The following TCERG1L variants were observed in gnomAD, a reference collection of about 807,000 sequenced individuals.
TCERG1L encodes the protein transcription elongation regulator 1 like.
TCERG1L carries 37 observed loss-of-function variants against 56.3 expected under a neutral mutation model. The observed-to-expected ratio is 0.66, with a 90% CI of 0.51 to 0.87. TCERG1L has a LOEUF of 0.87. TCERG1L is among the 40% of genes least tolerant of loss of function. TCERG1L has a pLI of 0.00. For missense variants in TCERG1L, 799 were observed against 774.2 expected, an observed-to-expected ratio of 1.03 and a Z score of -0.38; for synonymous variants, 324 against 326.3, an observed-to-expected ratio of 0.99 and a Z score of 0.08.
At chr10:131,165,796 C>T (rs1005010369) in intron 5 of TCERG1L, among the ~76,000 whole-genome samples, 3 of 152,128 alleles carry the variant, frequency 2.0e-5, no homozygotes, top group Admixed American at 1.3e-4. Flanking sequence ...GTCTTCTCCA[C>T]GAGATGCATG....
At chr10:131,133,255 A>G (rs1315689198) in intron 8 of TCERG1L, among the ~76,000 whole-genome samples, 2 of 152,186 alleles carry the variant, frequency 1.3e-5, no homozygotes, top group African/African-American at 4.8e-5. Context: ...AAAGGACTGA[A>G]AATGTGAGAA....
chr10:131,289,608 T>C (rs1846588805), intron 3 of TCERG1L, among the ~76,000 whole-genome samples: 1 of 54,612 alleles, frequency 1.8e-5, no homozygotes, highest in Non-Finnish European at 4.8e-5. Context: ...AGTGTATGTG[T>C]GCACCGCTGT....
chr10:131,278,161 C>T (rs1011483240), intron 3 of TCERG1L, among the ~76,000 whole-genome samples: 1 of 151,270 alleles, frequency 6.6e-6, no homozygotes, highest in African/African-American at 2.4e-5. Flanking sequence ...CTTCACCTGA[C>T]TCTGAAACCC....
intron 3 of TCERG1L, among the ~76,000 whole-genome samples, chr10:131,281,428 G>A (rs1311562995): frequency 1.3e-5 from 2 of 152,118 alleles, no homozygotes; most frequent in Non-Finnish European, 2.9e-5. Context: ...ATCCATTGCA[G>A]TAAAGACAAT....
chr10:131,143,294 G>A (rs1845757523), intron 7 of TCERG1L, among the ~76,000 whole-genome samples: 1 of 152,170 alleles, frequency 6.6e-6, no homozygotes, highest in African/African-American at 2.4e-5. Flanking sequence ...CTCCAAGGCA[G>A]TGAGAAGGCC....
In TCERG1L at chr10:131,142,809, G is replaced by GC. The variant is rs565383053; in HGVS notation, c.1189+3696dup. Among the ~76,000 whole-genome samples the GC allele has an allele frequency of 2.4e-3, 371 of 152,318 alleles. 2 individuals are homozygous for GC. Among genetic ancestry groups the GC allele is most frequent in the African/African-American group, 8.4e-3 (348 of 41,570 alleles). ...GATTCATGCCCCCCACCATTCCCAAGCAATGTCCACATCTGAATCCTGGAA... is the reference window on the plus strand; with the variant it reads ...GATTCATGCCCCCCACCATTCCCAAGCCAATGTCCACATCTGAATCCTGGAA... On this transcript the variant is annotated intron_variant, in intron 7 of 11. Coordinates refer to ENST00000368642, the MANE Select transcript of TCERG1L (RefSeq NM_174937.4).
chr10:131,116,606 C>T (rs1041788061), intron 9 of TCERG1L, among the ~76,000 whole-genome samples, 193 bp downstream of exon 9: 3 of 152,206 alleles, frequency 2.0e-5, no homozygotes, highest in Non-Finnish European at 4.4e-5. Context: ...GGAGGCATCC[C>T]TCAGGCCCTG....
At position 131,163,475 on chromosome 10, in the gene TCERG1L, G is replaced by A. The variant is rs146625984; in HGVS notation, c.946-265C>T. Among the ~76,000 whole-genome samples, 238 of 152,326 alleles carry A rather than the reference G, an allele frequency of 1.6e-3. 4 individuals carry two copies. The East Asian group carries it at 0.026, about 17-fold the overall frequency. On this transcript the variant is annotated intron_variant, in intron 5 of 11. Transcript: ENST00000368642. ...TAAGCTGCCTGCTTTTCCAGAAGCA[G>A]AGACGGTCAGAGGCAGCCAAGAGAG...
intron 7 of TCERG1L, among the ~76,000 whole-genome samples, chr10:131,136,322 C>T (rs898359109): frequency 1.3e-5 from 2 of 152,374 alleles, no homozygotes; most frequent in Admixed American, 1.3e-4. Flanking sequence ...GTGCCAAGCC[C>T]AGCACCTCCA....
At chr10:131,194,387 T>TATTC (rs1340289426) in intron 4 of TCERG1L, among the ~76,000 whole-genome samples, 1 of 152,220 alleles carries the variant, frequency 6.6e-6, no homozygotes, top group Non-Finnish European at 1.5e-5. Flanking sequence ...GGAAGCTGCC[T>TATTC]ATTCATGCCT....
Position 131,311,604 on chromosome 10 carries a change from C to T in TCERG1L, c.32G>A (p.Arg11Gln), listed in dbSNP as rs1846902140. The T allele has an allele frequency of 1.7e-6, 2 of 1,144,556 alleles. No homozygotes were observed. The highest frequency in any genetic ancestry group is 8.4e-5 in the South Asian group (2 of 23,916). The allele number at this position is 1,144,556 out of a possible 1,614,324, so 70.9% of individuals were successfully genotyped here. The change falls in exon 1 of 12, where the codon CGG becomes CAG. Residue 11 changes from arginine (R) to glutamine (Q), a missense_variant. Coordinates refer to ENST00000368642, the MANE Select transcript of TCERG1L (RefSeq NM_174937.4). The surrounding 1 kb of genome is among the most constrained non-coding windows in gnomAD (Gnocchi z 4.0). MQAGARFQRR[R>Q]RQLQQQQPRR... is the part of the protein sequence containing the mutation. ...GGGCTGCTGCTGCTGCAGCTGCCGC[C>T]GCCGCCGCTGGAACCTGGCGCCCGC...
rs139859733 is a variant in TCERG1L at position 131,116,506 on chromosome 10, G to A, written c.1395+293C>T. Among the ~76,000 whole-genome samples, 1,281 of 152,258 alleles carry A rather than the reference G, an allele frequency of 8.4e-3. 19 individuals carry two copies. Among genetic ancestry groups the A allele is most frequent in the African/African-American group, 0.029 (1,193 of 41,560 alleles). On this transcript the variant is annotated intron_variant, in intron 9 of 11. Transcript: ENST00000368642. ...GCACCTTTCTCCTTTCAGAGGAGAA[G>A]CAGGACCTCCTCTCCACTTTGGCTG...
At chr10:131,266,041 G>A (rs1846281744) in intron 3 of TCERG1L, among the ~76,000 whole-genome samples, 1 of 152,234 alleles carries the variant, frequency 6.6e-6, no homozygotes, top group South Asian at 2.1e-4. Context: ...TATCAACTCA[G>A]TCTATGTAAT....
intron 6 of TCERG1L, among the ~76,000 whole-genome samples, chr10:131,158,809 G>A (rs1845948542): frequency 6.6e-6 from 1 of 152,228 alleles, no homozygotes; most frequent in Non-Finnish European, 1.5e-5. Context: ...ACCGTCATGG[G>A]ACAGACAGAA....
intron 3 of TCERG1L, among the ~76,000 whole-genome samples, chr10:131,276,971 AT>A (rs1336306671): frequency 6.6e-6 from 1 of 152,228 alleles, no homozygotes; most frequent in Non-Finnish European, 1.5e-5. Context: ...TCAGAAAAAC[AT>A]TTCTCATCAT....
chr10:131,215,752 C>T (rs774506804), intron 4 of TCERG1L, among the ~76,000 whole-genome samples: 1 of 152,140 alleles, frequency 6.6e-6, no homozygotes, highest in Non-Finnish European at 1.5e-5. Context: ...AAAGTTGTTG[C>T]GGCCAAGAGT....
intron 4 of TCERG1L, among the ~76,000 whole-genome samples, chr10:131,239,527 T>C (rs1036710301): frequency 1.3e-5 from 2 of 152,224 alleles, no homozygotes; most frequent in African/African-American, 4.8e-5. Context: ...AAATCAGACA[T>C]CTCAACACCA....
At chr10:131,253,224 C>T (rs767932086) in intron 4 of TCERG1L, among the ~76,000 whole-genome samples, 7 of 152,174 alleles carry the variant, frequency 4.6e-5, no homozygotes, top group East Asian at 1.9e-4. Flanking sequence ...TCTCTATAGA[C>T]GGACAGGAAT....
chr10:131,135,043 G>A (rs763324103), intron 7 of TCERG1L, among the ~76,000 whole-genome samples: 10 of 152,198 alleles, frequency 6.6e-5, no homozygotes, highest in Non-Finnish European at 1.3e-4. Context: ...AACGTTTGAT[G>A]AACTTTTGGA....
Sources: gnomAD v4.1 joint callset for allele counts (sites outside exome capture counted in the v4.1 genomes callset) on GRCh38, gnomAD v4.1.1 for gene constraint, Gnocchi (gnomAD v3.1) non-coding constraint, MANE v1.5 for transcripts, NCBI Gene and HGNC (gene_info 2026-07-23, HGNC 2026-07-21) for gene names.